The following SPON2 variants were observed in gnomAD, a reference collection of about 807,000 sequenced individuals.
The protein encoded by SPON2 is spondin-2.
A neutral mutation model predicts 29.9 loss-of-function variants in SPON2; 32 were observed. The ratio of observed to expected loss-of-function variants is 1.07; its 90% CI spans 0.81 to 1.44. The LOEUF (loss-of-function observed/expected upper bound fraction) is 1.44, where lower values mean the gene tolerates loss of function less well. Among genes scored for constraint, SPON2 ranks in the 40% most tolerant of loss-of-function variants. SPON2 has a pLI of 0.00. For synonymous variants in SPON2, 248 were observed against 209.1 expected, an observed-to-expected ratio of 1.19 and a Z score of -1.61; for missense variants, 541 against 455.5, an observed-to-expected ratio of 1.19 and a Z score of -1.71.
chr4:1,174,918 G>A (rs1196524987), upstream of SPON2, among the ~76,000 whole-genome samples: 5 of 152,206 alleles, frequency 3.3e-5, no homozygotes, highest in Admixed American at 2.0e-4. Context: ...CTGGCCTGCA[G>A]CCCTCGAAAG....
At chr4:1,175,076 A>G (rs1333702839), upstream of SPON2, among the ~76,000 whole-genome samples, 1 of 152,204 alleles carries the variant, frequency 6.6e-6, no homozygotes, top group African/African-American at 2.4e-5. Context: ...ACTCGAATCC[A>G]CAGGCCTTTT....
chr4:1,186,071 C>A (rs527790555), intron 1 of SPON2, among the ~76,000 whole-genome samples: 5 of 141,902 alleles, frequency 3.5e-5, no homozygotes, highest in African/African-American at 7.3e-5. Context: ...GGTGAAACCC[C>A]ATCTCTACTA....
Position 1,167,601 on chromosome 4 carries a change from G to A in SPON2, c.867C>T (p.Cys289=), listed in dbSNP as rs756011343. 4.3e-6 allele frequency: 7 copies of A among 1,613,330 alleles called. No individual in the cohort carries two copies. The East Asian group carries it at 6.7e-5, about 15-fold the overall frequency. The change falls in exon 6 of 6, where the codon TGC becomes TGT. Residue 289 remains cysteine, a synonymous_variant. Transcript: ENST00000290902. ...EVSLWSSWGL[C]GGHCGRLGTK... ...TCCCGAGCCTCCCACAGTGGCCTCC[G>A]CACAGTCCCCAGGACGACCACAGGG...
intron 1 of SPON2, among the ~76,000 whole-genome samples, chr4:1,180,396 G>A (rs1231601544): frequency 6.6e-6 from 1 of 152,006 alleles, no homozygotes; most frequent in Non-Finnish European, 1.5e-5. Context: ...AAACTCTGGG[G>A]GAATGGAGGT....
In SPON2 at chr4:1,167,382, G is replaced by T; in HGVS notation, c.*90C>A. The T allele has an allele frequency of 2.2e-6, 3 of 1,369,134 alleles. No individual in the cohort carries two copies. Among genetic ancestry groups the T allele is most frequent in the South Asian group, 2.7e-5 (2 of 72,874 alleles). 84.8% of individuals were successfully genotyped at this position (1,369,134 alleles called of 1,614,324 possible). A position where few individuals can be genotyped will look rare whatever the true frequency, so the allele number is the denominator to read the frequency against. ...GGTCAGGAGCAGCGCGAAACCCCCT[G>T]TGCCCTCGGCCGCCTGCAGCATGAG... On this transcript the variant is annotated 3_prime_UTR_variant, in exon 6 of 6. Coordinates refer to ENST00000290902, the MANE Select transcript of SPON2 (RefSeq NM_012445.4).
At chr4:1,206,183 C>T (rs539192277) in intron 1 of SPON2, among the ~76,000 whole-genome samples, 33 of 152,342 alleles carry the variant, frequency 2.2e-4, no homozygotes, top group Admixed American at 3.9e-4. Flanking sequence ...ATGCCCCCCT[C>T]CCTGCTCCTC....
chr4:1,167,865 C>A (rs1365123447), intron 5 of SPON2: 3 of 472,736 alleles, frequency 6.3e-6, no homozygotes, highest in East Asian at 6.8e-5. Context: ...ACTGGAGTTG[C>A]GCGTTTCTAC....
upstream of SPON2, among the ~76,000 whole-genome samples, chr4:1,174,875 T>TG (rs1057422629): frequency 6.6e-6 from 1 of 152,232 alleles, no homozygotes; most frequent in Non-Finnish European, 1.5e-5. Context: ...CAGCCTTGGC[T>TG]GCGTATGTTA....
At chr4:1,187,563 A>G (rs1727828931) in intron 1 of SPON2, among the ~76,000 whole-genome samples, 2 of 152,114 alleles carry the variant, frequency 1.3e-5, no homozygotes, top group African/African-American at 4.8e-5. Flanking sequence ...TTGCTCTGTC[A>G]TTTCTTTTAC....
chr4:1,170,150 T>C lies in SPON2; in HGVS notation c.811+252A>G. The C allele has an allele frequency of 6.4e-6, 3 of 468,502 alleles. No homozygotes were observed. The South Asian group carries it at 7.6e-5, about 12-fold the overall frequency. 29.0% of individuals were successfully genotyped at this position (468,502 alleles called of 1,614,324 possible). A position where few individuals can be genotyped will look rare whatever the true frequency, so the allele number is the denominator to read the frequency against. The stretch of plus-strand genomic sequence containing the variant: ...TGACAGGACAGAGTCTCTCAGGTAC[T>C]GTCTGGAGCCTCCTTTCATTCTTTC... On this transcript the variant is annotated intron_variant, in intron 5 of 5. Coordinates refer to ENST00000290902, the MANE Select transcript of SPON2 (RefSeq NM_012445.4).
At chr4:1,205,639 C>CAA (rs1728323060) in intron 1 of SPON2, among the ~76,000 whole-genome samples, 1 of 152,230 alleles carries the variant, frequency 6.6e-6, no homozygotes, top group African/African-American at 2.4e-5. Flanking sequence ...CCTACGGCAG[C>CAA]CTTGGGAAGG....
intron 2 of SPON2, among the ~76,000 whole-genome samples, chr4:1,178,991 T>C (rs1051079916): frequency 6.6e-6 from 1 of 152,256 alleles, no homozygotes; most frequent in South Asian, 2.1e-4. Context: ...TTCCGATTGA[T>C]TGGCAGAGCC....
At chr4:1,175,272 G>T (rs762553749), upstream of SPON2, among the ~76,000 whole-genome samples, 1 of 152,226 alleles carries the variant, frequency 6.6e-6, no homozygotes, top group East Asian at 1.9e-4. Context: ...CCAGGGTGCC[G>T]CTCCAGAGAC....
intron 1 of SPON2, 70 bp from the exon 2 acceptor site, chr4:1,172,144 G>A (rs1232147115): frequency 2.9e-6 from 4 of 1,392,898 alleles, no homozygotes; most frequent in Non-Finnish European, 4.0e-6. Context: ...AAGCCGAGAG[G>A]GCTGCGGCAC....
intron 1 of SPON2, among the ~76,000 whole-genome samples, chr4:1,207,171 C>T (rs990394354): frequency 2.0e-5 from 3 of 152,086 alleles, no homozygotes; most frequent in African/African-American, 4.8e-5. Flanking sequence ...TGCTGAGAAC[C>T]TGCTGTCTGG....
intron 1 of SPON2, among the ~76,000 whole-genome samples, chr4:1,192,314 G>A (rs527711760): frequency 6.6e-6 from 1 of 152,378 alleles, no homozygotes; most frequent in African/African-American, 2.4e-5. Context: ...CCTAGGGCTG[G>A]TCTTGGCAGC....
upstream of SPON2, chr4:1,195,170 C>G (rs1383886409): frequency 6.6e-6 from 1 of 152,244 alleles, no homozygotes; most frequent in African/African-American, 2.4e-5. Context: ...CCAGGCAGCT[C>G]CTCCTCCTGG....
chr4:1,171,714 T>C, intron 2 of SPON2, 138 bp downstream of exon 2: 1 of 797,248 alleles, frequency 1.3e-6, no homozygotes, highest in Non-Finnish European at 2.0e-6. Context: ...CCGCAGGCGC[T>C]CGGCAAACAT....
chr4:1,190,256 TA>T (rs34531128), intron 1 of SPON2, among the ~76,000 whole-genome samples: 38,967 of 147,784 alleles, frequency 0.26, 6,250 homozygotes, highest in East Asian at 0.41. Flanking sequence ...TGAATAGACC[TA>T]ACACAAATGA....
Sources: allele counts gnomAD v4.1 joint callset (sites outside exome capture counted in the v4.1 genomes callset), GRCh38; gene constraint gnomAD v4.1.1; transcripts MANE v1.5; gene names NCBI Gene and HGNC (gene_info 2026-07-23, HGNC 2026-07-21).